Variants in SH3PXD2A observed in about 807,000 individuals in gnomAD.
SH3PXD2A encodes SH3 and PX domains 2A, also known as SH3 and PX domain-containing protein 2A.
Under a neutral mutation model 115.2 loss-of-function variants are expected in SH3PXD2A, and 32 were observed. The ratio of observed to expected loss-of-function variants is 0.28; its 90% CI spans 0.21 to 0.37. The LOEUF (loss-of-function observed/expected upper bound fraction) is 0.37, where lower values mean the gene tolerates loss of function less well. Among genes scored for constraint, SH3PXD2A ranks in the 10% least tolerant of loss-of-function variants. SH3PXD2A has a pLI of 1.00. For missense variants in SH3PXD2A, 1,328 were observed against 1,498.7 expected (o/e 0.89, Z 1.88); for synonymous variants, 610 against 629.1 (o/e 0.97, Z 0.45).
intron 2 of SH3PXD2A, among the ~76,000 whole-genome samples, chr10:103,778,588 A>G (rs1199646537): frequency 6.6e-6 from 1 of 152,242 alleles, no homozygotes; most frequent in Non-Finnish European, 1.5e-5. Flanking sequence ...ACAGCGCCCC[A>G]TGGCACTGTG....
intron 2 of SH3PXD2A, among the ~76,000 whole-genome samples, chr10:103,777,477 G>GAT: frequency 6.6e-6 from 1 of 152,274 alleles, no homozygotes; most frequent in East Asian, 1.9e-4. Flanking sequence ...TTTCCCAGCA[G>GAT]CTCATTCCGT....
intron 1 of SH3PXD2A, among the ~76,000 whole-genome samples, chr10:103,829,501 T>C (rs2039464967): frequency 6.6e-6 from 1 of 152,160 alleles, no homozygotes; most frequent in African/African-American, 2.4e-5. Flanking sequence ...GTTCTAGCCT[T>C]TGAAGATGAT....
In SH3PXD2A at chr10:103,833,533, C is replaced by T. The variant is rs148685618; in HGVS notation, c.72+21662G>A. On this transcript the variant is annotated intron_variant, in intron 1 of 14. Transcript: ENST00000369774. Reference sequence around the variant, plus strand: ...TTTAGAGCAGCATTGTTTGAAGTGGCGAAAAAGTTAGAGACAGTCTAAATG... The same window carrying T: ...TTTAGAGCAGCATTGTTTGAAGTGGTGAAAAAGTTAGAGACAGTCTAAATG... 1.7e-3 allele frequency among the ~76,000 whole-genome samples: 256 copies of T among 152,000 alleles called. 5 individuals carry two copies. In the East Asian group the frequency reaches 0.046, roughly 27 times the overall value.
In SH3PXD2A at chr10:103,614,236, CAG is replaced by C. The variant is rs561372201; in HGVS notation, c.921-1048_921-1047del. On this transcript the variant is annotated intron_variant, in intron 11 of 14. Coordinates refer to ENST00000369774, the MANE Select transcript of SH3PXD2A (RefSeq NM_001394015.1). Reference sequence around the variant, plus strand: ...TACCACTGCACTCCACTCTGGGAGACAGAGTGAGACCCTGCCTCCAAAAATGT... The same window carrying C: ...TACCACTGCACTCCACTCTGGGAGACAGTGAGACCCTGCCTCCAAAAATGT... Among the ~76,000 whole-genome samples the C allele has an allele frequency of 2.3e-3, 343 of 152,082 alleles. 1 individual carries two copies. Among genetic ancestry groups the C allele is most frequent in the South Asian group, 4.0e-3 (19 of 4,810 alleles).
intron 3 of SH3PXD2A, among the ~76,000 whole-genome samples, chr10:103,738,339 T>C (rs1197393634): frequency 6.6e-6 from 1 of 152,230 alleles, no homozygotes; most frequent in Admixed American, 6.5e-5. Context: ...ATTGCTCACA[T>C]GCCACAGGCT....
At chr10:103,720,119 G>C (rs567732352) in intron 5 of SH3PXD2A, among the ~76,000 whole-genome samples, 2 of 152,354 alleles carry the variant, frequency 1.3e-5, no homozygotes, top group South Asian at 4.1e-4. Context: ...TCTGGTGAAG[G>C]CTGGTTCCCC....
In SH3PXD2A at chr10:103,595,879, T is replaced by C. The variant is rs2036125733; in HGVS notation, c.*5937A>G. The C allele has an allele frequency of 6.6e-6, 1 of 152,650 alleles. No individual in the cohort carries two copies. The highest frequency in any genetic ancestry group is 2.4e-5 in the African/African-American group (1 of 41,450). 9.5% of individuals were successfully genotyped at this position (152,650 alleles called of 1,614,324 possible). A position where few individuals can be genotyped will look rare whatever the true frequency, so the allele number is the denominator to read the frequency against. On this transcript the variant is annotated 3_prime_UTR_variant, in exon 15 of 15. Coordinates refer to ENST00000369774, the MANE Select transcript of SH3PXD2A (RefSeq NM_001394015.1). The stretch of plus-strand genomic sequence containing the variant: ...ACCTTATGGCCTGGGGACCCAGGTT[T>C]GCAGGAGGGAAGTTAACAGTGGGGC...
intron 7 of SH3PXD2A, 133 bp from the exon 8 acceptor site, chr10:103,661,247 C>T (rs2037296325): frequency 1.8e-6 from 2 of 1,091,044 alleles, no homozygotes; most frequent in Non-Finnish European, 1.3e-6. Context: ...AGCCCGCAGC[C>T]GGGGCTCGCA....
At chr10:103,823,268 C>T (rs2039398785) in intron 1 of SH3PXD2A, among the ~76,000 whole-genome samples, 1 of 152,198 alleles carries the variant, frequency 6.6e-6, no homozygotes, top group Admixed American at 6.5e-5. Flanking sequence ...ATGAGAAAAG[C>T]AGCGTGCAGA....
At chr10:103,606,212 TCA>T (rs2036299021) in intron 13 of SH3PXD2A, among the ~76,000 whole-genome samples, 4 of 151,022 alleles carry the variant, frequency 2.6e-5, no homozygotes, top group African/African-American at 7.3e-5. Flanking sequence ...ATCATCATCA[TCA>T]TCATCATTAC....
intron 8 of SH3PXD2A, among the ~76,000 whole-genome samples, chr10:103,659,027 G>A (rs897762469): frequency 6.6e-6 from 1 of 152,234 alleles, no homozygotes; most frequent in African/African-American, 2.4e-5. Flanking sequence ...GCCGTGGGGA[G>A]CTGGGGTGCC....
intron 1 of SH3PXD2A, 44 bp from the exon 2 acceptor site, chr10:103,801,406 A>T: frequency 8.0e-7 from 1 of 1,245,674 alleles, no homozygotes; most frequent in Non-Finnish European, 1.2e-6. Context: ...CTGGATTTCA[A>T]GCTGTCTGTG....
intron 2 of SH3PXD2A, among the ~76,000 whole-genome samples, chr10:103,783,104 C>A (rs902713428): frequency 6.6e-6 from 1 of 151,978 alleles, no homozygotes; most frequent in East Asian, 1.9e-4. Flanking sequence ...GTGAAGCGAG[C>A]GAGCTGGGGT....
intron 6 of SH3PXD2A, among the ~76,000 whole-genome samples, chr10:103,686,273 G>A (rs534969927): frequency 5.9e-5 from 9 of 152,174 alleles, no homozygotes; most frequent in Non-Finnish European, 1.2e-4. Flanking sequence ...AGGACTCCTG[G>A]GTTGGATGAA....
chr10:103,656,741 A>G (rs1299573113), intron 8 of SH3PXD2A, among the ~76,000 whole-genome samples: 1 of 151,086 alleles, frequency 6.6e-6, no homozygotes. Flanking sequence ...AGGCAGGAGA[A>G]TCGCTTGACC....
At chr10:103,848,159 A>G (rs1211322729) in intron 1 of SH3PXD2A, among the ~76,000 whole-genome samples, 2 of 152,050 alleles carry the variant, frequency 1.3e-5, no homozygotes, top group African/African-American at 4.8e-5. Context: ...AGGCCCTCCC[A>G]AGCTAGTTAA....
At chr10:103,682,640 C>T (rs2037625189) in intron 6 of SH3PXD2A, among the ~76,000 whole-genome samples, 1 of 152,122 alleles carries the variant, frequency 6.6e-6, no homozygotes, top group Admixed American at 6.5e-5. Flanking sequence ...ATCTGTAATC[C>T]CAGCTATTCA....
intron 1 of SH3PXD2A, among the ~76,000 whole-genome samples, chr10:103,843,560 C>G (rs7920362): frequency 0.87 from 132,384 of 152,232 alleles, 58,748 homozygotes; most frequent in East Asian, 0.99. Flanking sequence ...GAGGCCAGAC[C>G]TTGGCACAGA....
At chr10:103,617,371 C>T in intron 10 of SH3PXD2A, 57 bp from the exon 11 acceptor site, 1 of 1,194,906 alleles carries the variant, frequency 8.4e-7, no homozygotes. Flanking sequence ...GGTCCTGCTT[C>T]CTGTCCCCTC....
Sources: allele counts gnomAD v4.1 joint callset (sites outside exome capture counted in the v4.1 genomes callset), GRCh38; gene constraint gnomAD v4.1.1; transcripts MANE v1.5; gene names NCBI Gene and HGNC (gene_info 2026-07-23, HGNC 2026-07-21).